The following LRRC37A2 variants were observed in gnomAD, a reference collection of about 807,000 sequenced individuals.
LRRC37A2 encodes the protein leucine-rich repeat-containing protein 37A2.
A neutral mutation model predicts 68.8 loss-of-function variants in LRRC37A2; 9 were observed. That is an observed-to-expected ratio of 0.13 (90% CI 0.08 to 0.23). LRRC37A2 has a LOEUF of 0.23. LRRC37A2 is among the 10% of genes least tolerant of loss of function. The pLI is 1.00. For synonymous variants in LRRC37A2, 63 were observed against 367.6 expected, an observed-to-expected ratio of 0.17 and a Z score of 9.48; for missense variants, 168 against 950.4, an observed-to-expected ratio of 0.18 and a Z score of 10.82.
At chr17:46,631,061 TACACACACACACAC>T in the LRRC37A2 span, among the ~76,000 whole-genome samples, 6 of 122,848 alleles carry the variant, frequency 4.9e-5, no homozygotes, top group East Asian at 2.4e-4. Context: ...TCTCTCTCTG[TACACACACACACAC>T]ACACACACAC....
the LRRC37A2 span, among the ~76,000 whole-genome samples, chr17:46,813,731 C>T: frequency 6.6e-6 from 1 of 152,156 alleles, no homozygotes; most frequent in Non-Finnish European, 1.5e-5. Flanking sequence ...CCCCTGGCTC[C>T]TTATCCCCTG....
chr17:47,028,568 CT>C, the LRRC37A2 span, among the ~76,000 whole-genome samples: 1 of 152,136 alleles, frequency 6.6e-6, no homozygotes, highest in African/African-American at 2.4e-5. Context: ...TGTCCTAGTT[CT>C]GACCTATAGC....
At chr17:46,405,955 G>T in the LRRC37A2 span, among the ~76,000 whole-genome samples, 1 of 144,442 alleles carries the variant, frequency 6.9e-6, no homozygotes, top group Admixed American at 6.9e-5. Flanking sequence ...AATTATTTTT[G>T]TTGAAAGATA....
the LRRC37A2 span, among the ~76,000 whole-genome samples, chr17:46,418,213 G>T: frequency 1.6e-4 from 8 of 48,730 alleles, no homozygotes; most frequent in African/African-American, 3.2e-4. Flanking sequence ...GTGTGTGTGT[G>T]TTTGTGTGTG....
At chr17:46,793,377 G>A in the LRRC37A2 span, among the ~76,000 whole-genome samples, 1 of 151,480 alleles carries the variant, frequency 6.6e-6, no homozygotes, top group South Asian at 2.1e-4. Flanking sequence ...GGAAGGAAGT[G>A]CTCAGGTCCT....
At chr17:46,625,758 A>AGTG in the LRRC37A2 span, among the ~76,000 whole-genome samples, 2 of 103,174 alleles carry the variant, frequency 1.9e-5, no homozygotes, top group African/African-American at 1.0e-4. Flanking sequence ...TTAAAAAGAT[A>AGTG]GTGAGCTAGG....
the LRRC37A2 span, among the ~76,000 whole-genome samples, chr17:46,718,481 G>A: frequency 6.6e-6 from 1 of 152,240 alleles, no homozygotes; most frequent in East Asian, 1.9e-4. Flanking sequence ...TCAAAATGGT[G>A]CATGTACTCC....
At chr17:47,005,352 G>A in the LRRC37A2 span, among the ~76,000 whole-genome samples, 2 of 152,160 alleles carry the variant, frequency 1.3e-5, no homozygotes, top group African/African-American at 4.8e-5. Context: ...AGTCTTTGAG[G>A]CCCGAAAGTC....
chr17:46,841,604 C>A, the LRRC37A2 span, among the ~76,000 whole-genome samples: 12 of 151,934 alleles, frequency 7.9e-5, no homozygotes, highest in Non-Finnish European at 1.5e-4. Flanking sequence ...GAGAAGGGAG[C>A]GCTGGGGGCT....
chr17:46,940,148 G>A, the LRRC37A2 span: 1 of 1,306,114 alleles, frequency 7.7e-7, no homozygotes, highest in Non-Finnish European at 9.8e-7. Flanking sequence ...CTGCTCTGTA[G>A]TCATGTTGGT....
At chr17:46,775,803 C>G in the LRRC37A2 span, among the ~76,000 whole-genome samples, 2 of 151,416 alleles carry the variant, frequency 1.3e-5, no homozygotes, top group South Asian at 4.2e-4. Flanking sequence ...TTAGTAGAGA[C>G]GGGGTTTCAC....
At chr17:46,605,135 C>T in the LRRC37A2 span, among the ~76,000 whole-genome samples, 1 of 51,044 alleles carries the variant, frequency 2.0e-5, no homozygotes, top group East Asian at 3.7e-4. Flanking sequence ...AAAGAAACTA[C>T]ATGATACCAT....
chr17:46,931,160 G>T, the LRRC37A2 span: 1 of 1,611,414 alleles, frequency 6.2e-7, no homozygotes, highest in Non-Finnish European at 8.5e-7. Context: ...AACGTCTGGA[G>T]ATTTTGTCCA....
At chr17:46,739,314 C>T in the LRRC37A2 span, among the ~76,000 whole-genome samples, 9 of 137,646 alleles carry the variant, frequency 6.5e-5, no homozygotes, top group Admixed American at 2.5e-4. Context: ...GAGGTTGCAG[C>T]GAGCCGAGAT....
At chr17:46,708,133 GAGTAATGCTGT>G in the LRRC37A2 span, among the ~76,000 whole-genome samples, 1 of 151,800 alleles carries the variant, frequency 6.6e-6, no homozygotes. Flanking sequence ...TGGCTATTTT[GAGTAATGCTGT>G]CATTAGCATG....
chr17:46,924,109 A>G, the LRRC37A2 span, among the ~76,000 whole-genome samples: 1 of 152,290 alleles, frequency 6.6e-6, no homozygotes, highest in South Asian at 2.1e-4. Context: ...TGTGCCTGTT[A>G]ATCAGTAGCA....
the LRRC37A2 span, among the ~76,000 whole-genome samples, chr17:46,404,633 A>G: frequency 9.6e-6 from 1 of 104,446 alleles, no homozygotes; most frequent in Non-Finnish European, 2.2e-5. Flanking sequence ...ACTTTGGGAG[A>G]CCGAGGTGGG....
chr17:46,881,345 G>T, the LRRC37A2 span, among the ~76,000 whole-genome samples: 825 of 152,362 alleles, frequency 5.4e-3, 11 homozygotes, highest in African/African-American at 0.019. Flanking sequence ...AGACCAGCTG[G>T]CTCTGAGTAA....
At chr17:46,925,785 T>C in the LRRC37A2 span, among the ~76,000 whole-genome samples, 2 of 152,188 alleles carry the variant, frequency 1.3e-5, no homozygotes, top group East Asian at 1.9e-4. Context: ...ATTGAGTACA[T>C]TGGAATTAGA....
Sources: allele counts gnomAD v4.1 joint callset (sites outside exome capture counted in the v4.1 genomes callset), GRCh38; gene constraint gnomAD v4.1.1; transcripts MANE v1.5; gene names NCBI Gene and HGNC (gene_info 2026-07-23, HGNC 2026-07-21).